DLGAP1: variants seen among roughly 807,000 people sequenced by gnomAD.
DLGAP1 encodes the protein DLG associated protein 1.
In DLGAP1, 11 loss-of-function variants were observed where a neutral mutation model predicts 90.8. That is an observed-to-expected ratio of 0.12 (90% CI 0.08 to 0.20). The LOEUF (loss-of-function observed/expected upper bound fraction) is 0.20, where lower values mean the gene tolerates loss of function less well. Among genes scored for constraint, DLGAP1 ranks in the 10% least tolerant of loss-of-function variants. The pLI is 1.00. For synonymous variants in DLGAP1, 558 were observed against 540.7 expected, an observed-to-expected ratio of 1.03 and a Z score of -0.44; for missense variants, 1,050 against 1,333.8, an observed-to-expected ratio of 0.79 and a Z score of 3.31.
chr18:3,663,152 T>C (rs1298541545), intron 7 of DLGAP1, among the ~76,000 whole-genome samples: 4 of 152,012 alleles, frequency 2.6e-5, no homozygotes, highest in Non-Finnish European at 4.4e-5. Flanking sequence ...ATGCCTGTAA[T>C]CCCAGCTACT....
chr18:4,269,415 G>T (rs559662439), intron 1 of DLGAP1, among the ~76,000 whole-genome samples: 2 of 147,274 alleles, frequency 1.4e-5, no homozygotes, highest in South Asian at 4.3e-4. Flanking sequence ...GTGCAGTGGC[G>T]CGATCTCAGC....
At chr18:4,071,679 G>A (rs1598348816) in intron 2 of DLGAP1, among the ~76,000 whole-genome samples, 1 of 152,120 alleles carries the variant, frequency 6.6e-6, no homozygotes, top group Non-Finnish European at 1.5e-5. Context: ...ATCCCTTACT[G>A]CAAGAAAAGT....
At chr18:3,725,870 G>T (rs1431956688) in intron 7 of DLGAP1, among the ~76,000 whole-genome samples, 2 of 152,150 alleles carry the variant, frequency 1.3e-5, no homozygotes, top group Non-Finnish European at 2.9e-5. Context: ...ACCTAGAGCT[G>T]AGCCCATCTT....
intron 4 of DLGAP1, among the ~76,000 whole-genome samples, chr18:3,846,785 T>G (rs1014633729): frequency 6.6e-6 from 1 of 152,178 alleles, no homozygotes; most frequent in Non-Finnish European, 1.5e-5. Flanking sequence ...GTGGTTGCCC[T>G]GGACCTGGGG....
chr18:4,058,728 T>C (rs1250200781), intron 2 of DLGAP1, among the ~76,000 whole-genome samples: 1 of 152,206 alleles, frequency 6.6e-6, no homozygotes, highest in African/African-American at 2.4e-5. Flanking sequence ...TCCTGTAGCC[T>C]CCGTTTCTCT....
At chr18:4,099,238 A>ATCTG (rs35402489) in intron 2 of DLGAP1, among the ~76,000 whole-genome samples, 11,026 of 113,546 alleles carry the variant, frequency 0.097, 561 homozygotes, top group South Asian at 0.21. Context: ...TTGAAAATAG[A>ATCTG]TCTGTCTGTC....
chr18:4,134,050 C>T (rs1218643568), intron 2 of DLGAP1, among the ~76,000 whole-genome samples: 1 of 151,766 alleles, frequency 6.6e-6, no homozygotes, highest in Non-Finnish European at 1.5e-5. Context: ...TTTATAATTT[C>T]ATGATGCATA....
At chr18:3,989,885 C>T (rs2073925771) in intron 3 of DLGAP1, among the ~76,000 whole-genome samples, 1 of 152,134 alleles carries the variant, frequency 6.6e-6, no homozygotes, top group Non-Finnish European at 1.5e-5. Context: ...TGAAAAAATG[C>T]TCATCATCAC....
At chr18:3,847,623 C>G (rs565094238) in intron 4 of DLGAP1, among the ~76,000 whole-genome samples, 5 of 152,158 alleles carry the variant, frequency 3.3e-5, no homozygotes, top group Non-Finnish European at 7.4e-5. Context: ...GTAGGATCAC[C>G]AAACGTAATT....
At chr18:3,749,148 CTTTTTTTTTTTT>C (rs776707431) in intron 5 of DLGAP1, among the ~76,000 whole-genome samples, 69 of 120,670 alleles carry the variant, frequency 5.7e-4, no homozygotes, top group Non-Finnish European at 9.5e-4. Flanking sequence ...TCTTCTTCTT[CTTTTTTTTTTTT>C]TTTTTTTTTG....
chr18:3,814,226 A>G lies in DLGAP1; in HGVS notation c.1005T>C (p.Asp335=), dbSNP rs959108555. The change falls in exon 5 of 13, where the codon GAT becomes GAC. Residue 335 remains aspartate (D), a synonymous_variant. Transcript: ENST00000315677. Reference sequence around the variant, plus strand: ...TCCGCATTCTTCGGCATGGAATTTCATCATCTTTACCTCGTGGGGTGTACC... The same window carrying G: ...TCCGCATTCTTCGGCATGGAATTTCGTCATCTTTACCTCGTGGGGTGTACC... ...WTGYTPRGKD[D]EIPCRRMRSG... is the part of the protein sequence containing the mutation. 1.2e-6 allele frequency: 2 copies of G among 1,614,116 alleles called. No homozygotes were observed. Among genetic ancestry groups the G allele is most frequent in the Non-Finnish European group, 1.7e-6 (2 of 1,180,030 alleles).
chr18:4,441,937 C>T (rs547795238), intron 1 of DLGAP1, among the ~76,000 whole-genome samples: 10 of 152,176 alleles, frequency 6.6e-5, no homozygotes, highest in Non-Finnish European at 1.2e-4. Context: ...ATCAGCTCCA[C>T]CCATGGTAGG....
intron 2 of DLGAP1, chr18:4,013,944 T>C (rs1167092201): frequency 6.6e-6 from 1 of 152,202 alleles, no homozygotes; most frequent in African/African-American, 2.4e-5. Context: ...AAACAATATA[T>C]TTATTTATTC....
intron 4 of DLGAP1, among the ~76,000 whole-genome samples, chr18:3,819,934 G>T (rs1568188366): frequency 6.6e-6 from 1 of 152,198 alleles, no homozygotes; most frequent in Non-Finnish European, 1.5e-5. Flanking sequence ...CCCTTTGAAA[G>T]AAAAGTTACA....
At chr18:4,436,782 CAGCTATTCTCTCGACACCT>C (rs1298500947) in intron 1 of DLGAP1, among the ~76,000 whole-genome samples, 1 of 152,122 alleles carries the variant, frequency 6.6e-6, no homozygotes, top group African/African-American at 2.4e-5. Context: ...GAAGGTGAAC[CAGCTATTCTCTCGACACCT>C]AGGGGTTAAT....
chr18:3,658,464 T>C (rs963748027), intron 7 of DLGAP1, among the ~76,000 whole-genome samples: 2 of 152,184 alleles, frequency 1.3e-5, no homozygotes, highest in Non-Finnish European at 2.9e-5. Flanking sequence ...GAGATCTTCA[T>C]AAAGGGGGTA....
At chr18:3,723,566 G>A (rs12953525) in intron 7 of DLGAP1, among the ~76,000 whole-genome samples, 1 of 152,098 alleles carries the variant, frequency 6.6e-6, no homozygotes, top group African/African-American at 2.4e-5. Flanking sequence ...GTTTGTGTGG[G>A]GGGGGAGTGG....
chr18:4,218,619 A>G (rs2078009282), intron 1 of DLGAP1, among the ~76,000 whole-genome samples: 1 of 151,862 alleles, frequency 6.6e-6, no homozygotes, highest in African/African-American at 2.4e-5. Flanking sequence ...CCTTTTCCTC[A>G]TTCATGTCCC....
At position 3,651,799 on chromosome 18, in the gene DLGAP1, C is replaced by T. The variant is rs184098884; in HGVS notation, c.1592-69551G>A. Reference sequence around the variant, plus strand: ...ACCAGCCTGGCTAACATGGTGAAACCCTGTCTCTACTATAAATACAAAATA... The same window carrying T: ...ACCAGCCTGGCTAACATGGTGAAACTCTGTCTCTACTATAAATACAAAATA... On this transcript the variant is annotated intron_variant, in intron 7 of 12. Coordinates refer to ENST00000315677, the MANE Select transcript of DLGAP1 (RefSeq NM_004746.4). Among the ~76,000 whole-genome samples the T allele has an allele frequency of 1.8e-4, 28 of 152,222 alleles. No individual in the cohort carries two copies. In the East Asian group the frequency reaches 3.7e-3, roughly 20 times the overall value.
Sources: gnomAD v4.1 joint callset for allele counts (sites outside exome capture counted in the v4.1 genomes callset) on GRCh38, gnomAD v4.1.1 for gene constraint, MANE v1.5 for transcripts, NCBI Gene and HGNC (gene_info 2026-07-23, HGNC 2026-07-21) for gene names.